Variants in DENND2B observed in about 807,000 individuals in gnomAD.
DENND2B encodes DENN domain containing 2B, also known as DENN domain-containing protein 2B.
A neutral mutation model predicts 116.0 loss-of-function variants in DENND2B; 32 were observed. The observed-to-expected ratio is 0.28, with a 90% CI of 0.21 to 0.37. The LOEUF is 0.37. DENND2B is among the 10% of genes least tolerant of loss of function. The pLI is 1.00. For synonymous variants in DENND2B, 588 were observed against 583.9 expected (o/e 1.01, Z -0.10); for missense variants, 1,276 against 1,477.7 (o/e 0.86, Z 2.24).
rs575827078 is a variant in DENND2B, at chr11:8,885,401, C to T, written c.-255-4292G>A. On this transcript the variant is annotated intron_variant, in intron 1 of 22. Transcript: ENST00000534127. ...AAGAGATGATTAGTTTATGTGACAA[C>T]AATATGCAGAAAGGATATAAATTTG... Among the ~76,000 whole-genome samples, 4 of 152,300 alleles carry T rather than the reference C, an allele frequency of 2.6e-5. No homozygotes were observed. In the South Asian group the frequency reaches 8.3e-4, roughly 32 times the overall value.
intron 2 of DENND2B, among the ~76,000 whole-genome samples, chr11:8,864,152 C>T (rs1490074727): frequency 7.2e-5 from 11 of 152,232 alleles, no homozygotes; most frequent in Non-Finnish European, 1.5e-4. Context: ...TAACAGAGGT[C>T]ATCTCAGCTT....
At chr11:8,875,618 G>T (rs1025089242), upstream of DENND2B, among the ~76,000 whole-genome samples, 1 of 151,310 alleles carries the variant, frequency 6.6e-6, no homozygotes, top group African/African-American at 2.4e-5. Flanking sequence ...TATAGAGATA[G>T]GAGTCTCACT....
At chr11:8,792,580 C>G (rs2059479752) in intron 1 of DENND2B, among the ~76,000 whole-genome samples, 1 of 152,026 alleles carries the variant, frequency 6.6e-6, no homozygotes, top group South Asian at 2.1e-4. Context: ...CACAAGTCTA[C>G]AAGATAAAAT....
intron 1 of DENND2B, among the ~76,000 whole-genome samples, chr11:8,771,018 C>A (rs1593431983): frequency 6.6e-6 from 1 of 152,336 alleles, no homozygotes; most frequent in Non-Finnish European, 1.5e-5. Context: ...ACATGACCTT[C>A]ACTTAGATCC....
At chr11:8,779,321 C>T (rs1235058979) in intron 1 of DENND2B, among the ~76,000 whole-genome samples, 1 of 152,100 alleles carries the variant, frequency 6.6e-6, no homozygotes, top group Non-Finnish European at 1.5e-5. Context: ...TGGCAAATAT[C>T]ACACCCATAG....
Position 8,819,996 on chromosome 11 carries a change from T to G in DENND2B, c.-114-8661A>C, listed in dbSNP as rs570936118. Among the ~76,000 whole-genome samples the G allele has an allele frequency of 2.0e-5, 3 of 152,348 alleles. No individual in the cohort carries two copies. In the East Asian group the frequency reaches 5.8e-4, roughly 29 times the overall value. ...AAAATTATTTAAAAGTAAAAAGTTT[T>G]TAAAAGCCAAATTTAAAGATAAGTA... On this transcript the variant is annotated intron_variant, in intron 4 of 6. Transcript: ENST00000524757.
At chr11:8,849,368 C>A (rs2062924132) in intron 3 of DENND2B, among the ~76,000 whole-genome samples, 1 of 151,386 alleles carries the variant, frequency 6.6e-6, no homozygotes, top group Non-Finnish European at 1.5e-5. Context: ...TGGCAGATGG[C>A]TGTAATCCCA....
chr11:8,877,161 T>TG (rs1423146184), intron 2 of DENND2B, among the ~76,000 whole-genome samples: 2 of 139,390 alleles, frequency 1.4e-5, no homozygotes, highest in Non-Finnish European at 3.0e-5. Flanking sequence ...TGGAGTGCAG[T>TG]GGTGCGATCT....
intron 1 of DENND2B, among the ~76,000 whole-genome samples, chr11:8,901,975 C>T (rs2064176002): frequency 6.6e-6 from 1 of 152,116 alleles, no homozygotes; most frequent in African/African-American, 2.4e-5. Flanking sequence ...AGGTGGCTGA[C>T]AGTATCGTTT....
At position 8,863,132 on chromosome 11, in the gene DENND2B, A is replaced by G. The variant is rs528955379; in HGVS notation, c.-249-5696T>C. ...GGAGTTCGAGACCTGTCTGGGCAAC[A>G]TAGGGGGACCCCGTCTCTAAAAATA... On this transcript the variant is annotated intron_variant, in intron 2 of 6. Transcript: ENST00000524757. 2.0e-4 allele frequency among the ~76,000 whole-genome samples: 30 copies of G among 152,158 alleles called. 1 individual carries two copies. The South Asian group carries it at 4.8e-3, about 24-fold the overall frequency.
intron 3 of DENND2B, among the ~76,000 whole-genome samples, chr11:8,729,361 T>G (rs1040766142): frequency 1.2e-4 from 19 of 152,186 alleles, no homozygotes; most frequent in Admixed American, 1.2e-3. Flanking sequence ...AACGTGAGCC[T>G]CGGAACAGGC....
rs553813474 is a variant in DENND2B at position 8,778,418 on chromosome 11, C to T, written c.-25-27693G>A. ...CACACATTTCAGTCCCCGTCCACAT[C>T]CACCCTCCCCCTGCCCCTGACAGCT... is the stretch of plus-strand genomic sequence containing the variant. On this transcript the variant is annotated intron_variant, in intron 1 of 19. Transcript: ENST00000313726. 8.9e-4 allele frequency among the ~76,000 whole-genome samples: 135 copies of T among 152,316 alleles called. No individual in the cohort carries two copies. The Middle Eastern group carries it at 0.02, about 23-fold the overall frequency.
Position 8,730,898 on chromosome 11 carries a change from C to T in DENND2B, c.392G>A (p.Cys131Tyr), listed in dbSNP as rs201655182. Residue 131 changes from cysteine (C) to tyrosine (Y), a missense_variant, in exon 3 of 20, where the codon TGC (cysteine) becomes TAC (tyrosine). Transcript: ENST00000313726. This position sits in a 1 kb window ranked among gnomAD's most constrained non-coding sequence, Gnocchi z 4.1. ...TGGCGTGCTCTGGGCAAGGGGGAGG[C>T]AGGCAGCGACCCCTGCTACATCCTG... Reference protein sequence around the residue: ...AAQDVAGVAACLPLAQSTPFP... With the variant: ...AAQDVAGVAAYLPLAQSTPFP... 197 of 1,613,940 alleles carry T rather than the reference C, an allele frequency of 1.2e-4. No homozygotes were observed. The highest frequency in any genetic ancestry group is 6.7e-5 in the Admixed American group (4 of 60,016).
intron 1 of DENND2B, among the ~76,000 whole-genome samples, chr11:8,899,439 C>G (rs2064138448): frequency 6.6e-6 from 1 of 152,082 alleles, no homozygotes; most frequent in East Asian, 1.9e-4. Context: ...AAGAGAAAAT[C>G]TTGTAAGCAG....
At chr11:8,758,025 T>C (rs1421088389) in intron 1 of DENND2B, among the ~76,000 whole-genome samples, 1 of 152,256 alleles carries the variant, frequency 6.6e-6, no homozygotes. Context: ...CCACTTATTT[T>C]CTTTAACATT....
chr11:8,837,148 A>G (rs1488831914), intron 4 of DENND2B, among the ~76,000 whole-genome samples: 3 of 152,242 alleles, frequency 2.0e-5, no homozygotes, highest in Non-Finnish European at 4.4e-5. Flanking sequence ...AACAAAAAAA[A>G]AAGTCTAAAC....
chr11:8,830,456 T>C (rs1297163083), intron 4 of DENND2B, among the ~76,000 whole-genome samples: 1 of 152,216 alleles, frequency 6.6e-6, no homozygotes, highest in Admixed American at 6.5e-5. Flanking sequence ...ACAAACACTG[T>C]CTCTCCCAAT....
chr11:8,844,682 A>ATCTTTTAC (rs2062751072), intron 3 of DENND2B, among the ~76,000 whole-genome samples: 2 of 152,042 alleles, frequency 1.3e-5, no homozygotes, highest in African/African-American at 2.4e-5. Context: ...ATACATATAA[A>ATCTTTTAC]TGCATAAATT....
intron 3 of DENND2B, among the ~76,000 whole-genome samples, chr11:8,854,898 A>G (rs1298078579): frequency 1.3e-5 from 2 of 152,062 alleles, no homozygotes; most frequent in African/African-American, 4.8e-5. Context: ...TTTTTAGTAG[A>G]GATGGGTTTT....
Sources: gnomAD v4.1 joint callset for allele counts (sites outside exome capture counted in the v4.1 genomes callset) on GRCh38, gnomAD v4.1.1 for gene constraint, Gnocchi (gnomAD v3.1) non-coding constraint, MANE v1.5 for transcripts, NCBI Gene and HGNC (gene_info 2026-07-23, HGNC 2026-07-21) for gene names.